ABCB10: variants seen among roughly 807,000 people sequenced by gnomAD.
The protein encoded by ABCB10 is ATP-binding cassette sub-family B member 10, mitochondrial.
ABCB10 carries 54 observed loss-of-function variants against 65.4 expected under a neutral mutation model. The observed-to-expected ratio is 0.83, with a 90% confidence interval of 0.66 to 1.04. ABCB10 has a LOEUF of 1.04. ABCB10 is among the 50% of genes least tolerant of loss of function. The pLI is 0.00. For synonymous variants in ABCB10, 418 were observed against 406.5 expected (o/e 1.03, Z -0.34); for missense variants, 846 against 976.6 (o/e 0.87, Z 1.78).
At chr1:229,520,079 G>A (rs1289501784) in intron 11 of ABCB10, among the ~76,000 whole-genome samples, 2 of 151,902 alleles carry the variant, frequency 1.3e-5, no homozygotes, top group East Asian at 1.9e-4. Context: ...GGCTACAAGT[G>A]AGCCATGATC....
intron 1 of ABCB10, among the ~76,000 whole-genome samples, chr1:229,557,221 GAC>G (rs1397373083): frequency 1.5e-5 from 2 of 134,142 alleles, no homozygotes; most frequent in African/African-American, 3.4e-5. Context: ...TGTTGCACCT[GAC>G]AACCTCACAG....
At chr1:229,545,073 C>A (rs1236383534) in intron 3 of ABCB10, among the ~76,000 whole-genome samples, 1 of 152,214 alleles carries the variant, frequency 6.6e-6, no homozygotes, top group Non-Finnish European at 1.5e-5. Context: ...GTTTCAGCCA[C>A]CCAGTCTGTG....
rs754423489 is a variant in ABCB10, at chr1:229,547,623, G to A, written c.797C>T (p.Thr266Ile). ...GCGGTTAATCAATTCTCCTGTGCGA[G>A]TCTTGTCAAAGAAAGCAACCTCCTG... ...LRQEVAFFDKTRTGELINRLS... is the reference protein window; with the variant it reads ...LRQEVAFFDKIRTGELINRLS... The change falls in exon 3 of 13, where the codon ACT (threonine) becomes ATT (isoleucine). Residue 266 changes from threonine to isoleucine, a missense_variant. Thr to Ile is a moderately conservative substitution (Grantham distance 89). This residue lies in a region of ABCB10 where 632 missense variants were observed against 803.2 expected (regional missense o/e 0.79). Coordinates refer to ENST00000344517, the MANE Select transcript of ABCB10 (RefSeq NM_012089.3). 5 of 1,614,218 alleles carry A rather than the reference G, an allele frequency of 3.1e-6. No individual in the cohort carries two copies. Among genetic ancestry groups the A allele is most frequent in the Admixed American group, 1.7e-5 (1 of 60,026 alleles).
intron 2 of ABCB10, among the ~76,000 whole-genome samples, chr1:229,548,002 C>CT (rs398053891): frequency 0.02 from 2,797 of 141,352 alleles, 84 homozygotes; most frequent in African/African-American, 0.063. Flanking sequence ...TTTATTTTTA[C>CT]TTTTTTTTTT....
chr1:229,517,021 A>G lies in ABCB10; in HGVS notation c.*1158T>C, dbSNP rs1662191898. ...TACTTCTTAGGGTCTAGCCTCATCC[A>G]TGGAGAAAAAGCACTTTTTCTTGAG... On this transcript the variant is annotated 3_prime_UTR_variant, in exon 13 of 13. Transcript: ENST00000344517. 2 of 152,230 alleles carry G rather than the reference A, an allele frequency of 1.3e-5. No homozygotes were observed. Among genetic ancestry groups the G allele is most frequent in the African/African-American group, 4.8e-5 (2 of 41,464 alleles). 9.4% of individuals were successfully genotyped at this position (152,230 alleles called of 1,614,324 possible).
chr1:229,532,080 G>A (rs1417305549), intron 6 of ABCB10, among the ~76,000 whole-genome samples: 1 of 151,212 alleles, frequency 6.6e-6, no homozygotes, highest in African/African-American at 2.4e-5. Context: ...AGCCTCCCGA[G>A]TAGCTGGGAT....
intron 6 of ABCB10, 180 bp from the exon 7 acceptor site, chr1:229,531,911 T>C (rs1662594325): frequency 4.6e-6 from 2 of 439,446 alleles, no homozygotes; most frequent in Non-Finnish European, 8.0e-6. Flanking sequence ...TCTCATACTC[T>C]AGTTTTCCTT....
intron 1 of ABCB10, among the ~76,000 whole-genome samples, chr1:229,553,400 G>A (rs1236061760): frequency 1.3e-5 from 2 of 152,002 alleles, no homozygotes; most frequent in East Asian, 1.9e-4. Flanking sequence ...GTGAGCCACC[G>A]CACCCAGCCA....
chr1:229,524,187 C>T (rs1466612902), intron 10 of ABCB10, among the ~76,000 whole-genome samples: 6 of 151,640 alleles, frequency 4.0e-5, no homozygotes, highest in Non-Finnish European at 7.4e-5. Flanking sequence ...GACAGAGGCT[C>T]ACTCACTCTG....
chr1:229,556,969 A>T (rs1663263605), intron 1 of ABCB10, among the ~76,000 whole-genome samples: 2 of 152,228 alleles, frequency 1.3e-5, no homozygotes, highest in African/African-American at 4.8e-5. Flanking sequence ...TGTTTTTAAA[A>T]AGAGGAAAGA....
intron 1 of ABCB10, among the ~76,000 whole-genome samples, chr1:229,553,436 C>A (rs1410311448): frequency 6.6e-6 from 1 of 152,132 alleles, no homozygotes; most frequent in Non-Finnish European, 1.5e-5. Flanking sequence ...ATGATCCACT[C>A]TGGCTACAGA....
chr1:229,549,386 G>A lies in ABCB10; in HGVS notation c.566C>T (p.Pro189Leu), dbSNP rs758293566. 2 of 1,614,188 alleles carry A rather than the reference G, an allele frequency of 1.2e-6. No homozygotes were observed. Among genetic ancestry groups the A allele is most frequent in the South Asian group, 1.1e-5 (1 of 91,076 alleles). The change falls in exon 2 of 13, where the codon CCT becomes CTT. Residue 189 changes from proline to leucine, a missense_variant. Physicochemically the swap from Pro to Leu is moderately conservative, Grantham distance 98. Transcript: ENST00000344517. ...TMSSVISMSA[P>L]FFLGKIIDVI... ...ATCAATGATCTTCCCCAGGAAGAAA[G>A]GGGCAGACATGGAGATAACACTGGA...
rs1398566961 is a variant in ABCB10 at position 229,558,182 on chromosome 1, G to A, written c.471C>T (p.Ala157=). 4 of 1,432,898 alleles carry A rather than the reference G, an allele frequency of 2.8e-6. No homozygotes were observed. The highest frequency in any genetic ancestry group is 2.7e-5 in the Admixed American group (1 of 36,468). 88.8% of individuals were successfully genotyped at this position (1,432,898 alleles called of 1,614,324 possible). A position where few individuals can be genotyped will look rare whatever the true frequency, so the allele number is the denominator to read the frequency against. ...LRPAAAGLPE[A]RKLLGLAYPE... ...GGTACGCCAGCCCCAGGAGCTTCCG[G>A]GCCTCCGGGAGTCCGGCCGCTGCGG... The change falls in exon 1 of 13, where the codon GCC becomes GCT. Residue 157 remains alanine (A), a synonymous_variant. Transcript: ENST00000344517.
At chr1:229,539,688 T>C (rs1009842675) in intron 5 of ABCB10, 97 bp from the exon 6 acceptor site, 2 of 1,388,772 alleles carry the variant, frequency 1.4e-6, no homozygotes, top group East Asian at 5.0e-5. Flanking sequence ...TTCATTCAAC[T>C]GTCACAGCAA....
chr1:229,534,034 G>C (rs1048454745), intron 6 of ABCB10, among the ~76,000 whole-genome samples: 1 of 152,136 alleles, frequency 6.6e-6, no homozygotes, highest in African/African-American at 2.4e-5. Flanking sequence ...TCCAATAAAG[G>C]ATTGCTACCC....
chr1:229,546,214 TAATA>T (rs1293200397), intron 3 of ABCB10, among the ~76,000 whole-genome samples: 3 of 151,928 alleles, frequency 2.0e-5, no homozygotes, highest in Non-Finnish European at 2.9e-5. Flanking sequence ...CACTTCCACT[TAATA>T]AATAATAAAT....
intron 2 of ABCB10, among the ~76,000 whole-genome samples, chr1:229,548,656 CT>C (rs908195240): frequency 1.2e-4 from 18 of 147,534 alleles, no homozygotes; most frequent in Admixed American, 4.7e-4. Context: ...GCCTCATTTT[CT>C]TTTTTTTTCT....
At chr1:229,549,483 C>T (rs1471657332) in intron 1 of ABCB10, 49 bp from the exon 2 acceptor site, 6 of 1,552,602 alleles carry the variant, frequency 3.9e-6, no homozygotes, top group African/African-American at 2.7e-5. Flanking sequence ...AGCAAAGGGG[C>T]TGCGGTGCTG....
chr1:229,557,170 T>C (rs1487059372), intron 1 of ABCB10, among the ~76,000 whole-genome samples: 1 of 152,218 alleles, frequency 6.6e-6, no homozygotes, highest in Non-Finnish European at 1.5e-5. Flanking sequence ...AGGAGGGTCC[T>C]TTCTAAAGCA....
Sources: allele counts gnomAD v4.1 joint callset (sites outside exome capture counted in the v4.1 genomes callset), GRCh38; gene constraint gnomAD v4.1.1; regional missense constraint gnomAD v4.1.1; transcripts MANE v1.5; gene names NCBI Gene and HGNC (gene_info 2026-07-23, HGNC 2026-07-21).